GALNT13: variants seen among roughly 807,000 people sequenced by gnomAD.
GALNT13 encodes the protein polypeptide N-acetylgalactosaminyltransferase 13, also known as UDP-GalNAc:polypeptide N-acetylgalactosaminyltransferase 13.
In GALNT13, 28 loss-of-function variants were observed where a neutral mutation model predicts 64.2. The observed-to-expected ratio is 0.44, with a 90% CI of 0.32 to 0.60. The LOEUF is 0.60. Among genes scored for constraint, GALNT13 ranks in the 20% least tolerant of loss-of-function variants. GALNT13 has a pLI of 0.05. For missense variants in GALNT13, 577 were observed against 669.8 expected (o/e 0.86, Z 1.53); for synonymous variants, 214 against 224.6 (o/e 0.95, Z 0.42).
chr2:153,820,650 T>C, the GALNT13 span, among the ~76,000 whole-genome samples: 3 of 152,252 alleles, frequency 2.0e-5, no homozygotes, highest in African/African-American at 7.2e-5. Flanking sequence ...GAATTCTTTC[T>C]AGACAAGAAA....
At chr2:153,268,241 G>A in the GALNT13 span, among the ~76,000 whole-genome samples, 11 of 152,212 alleles carry the variant, frequency 7.2e-5, no homozygotes, top group Non-Finnish European at 1.0e-4. Flanking sequence ...CAGGCATTGA[G>A]TAAATACACC....
At chr2:153,261,448 A>G in the GALNT13 span, among the ~76,000 whole-genome samples, 2 of 152,140 alleles carry the variant, frequency 1.3e-5, no homozygotes, top group African/African-American at 4.8e-5. Flanking sequence ...AGACTTTTAG[A>G]GTACCAAGGG....
At chr2:153,376,473 G>A in the GALNT13 span, among the ~76,000 whole-genome samples, 13 of 152,276 alleles carry the variant, frequency 8.5e-5, 1 homozygote, top group Middle Eastern at 6.8e-3. Flanking sequence ...CCCAGAGAAT[G>A]TATCCTTGTG....
At chr2:154,156,731 A>C (rs1684445252) in intron 4 of GALNT13, among the ~76,000 whole-genome samples, 1 of 152,188 alleles carries the variant, frequency 6.6e-6, no homozygotes, top group Non-Finnish European at 1.5e-5. Context: ...GGAAAAGACA[A>C]GATAGAGAGT....
At chr2:154,192,849 GTCAAGAGCTAGTT>G (rs1686672178) in intron 4 of GALNT13, among the ~76,000 whole-genome samples, 1 of 152,220 alleles carries the variant, frequency 6.6e-6, no homozygotes. Flanking sequence ...TCTCTTTGCT[GTCAAGAGCTAGTT>G]TCAATATTTT....
chr2:153,308,513 C>A, the GALNT13 span, among the ~76,000 whole-genome samples: 2 of 152,186 alleles, frequency 1.3e-5, no homozygotes, highest in Non-Finnish European at 2.9e-5. Context: ...CTATAACAAG[C>A]TTCCTTGAGC....
the GALNT13 span, among the ~76,000 whole-genome samples, chr2:153,788,058 G>A: frequency 6.6e-6 from 1 of 152,148 alleles, no homozygotes; most frequent in Non-Finnish European, 1.5e-5. Flanking sequence ...TAGCTAGGGA[G>A]GCCAATATTC....
the GALNT13 span, among the ~76,000 whole-genome samples, chr2:153,074,765 G>A: frequency 1.3e-5 from 2 of 152,202 alleles, no homozygotes; most frequent in African/African-American, 4.8e-5. Flanking sequence ...TTGGAGATAT[G>A]ATCTTTCTCT....
At chr2:153,673,079 C>G in the GALNT13 span, among the ~76,000 whole-genome samples, 1 of 152,060 alleles carries the variant, frequency 6.6e-6, no homozygotes, top group African/African-American at 2.4e-5. Flanking sequence ...GCCTGCCAAC[C>G]AAACAAAGTC....
the GALNT13 span, among the ~76,000 whole-genome samples, chr2:153,772,713 T>G: frequency 6.6e-6 from 1 of 152,226 alleles, no homozygotes; most frequent in Non-Finnish European, 1.5e-5. Context: ...TGATCCCTTA[T>G]AGTCTTCAAG....
At chr2:153,142,716 T>C in the GALNT13 span, among the ~76,000 whole-genome samples, 2 of 151,862 alleles carry the variant, frequency 1.3e-5, no homozygotes, top group African/African-American at 2.4e-5. Context: ...TGTATGGAAA[T>C]GGGAAGATTG....
intron 4 of GALNT13, among the ~76,000 whole-genome samples, chr2:154,202,374 C>G (rs546763150): frequency 1.1e-4 from 16 of 150,494 alleles, no homozygotes; most frequent in Middle Eastern, 3.4e-3. Flanking sequence ...CTGCACTTAG[C>G]GTCCTTGAGA....
chr2:153,893,129 C>T (rs571644790), intron 1 of GALNT13, among the ~76,000 whole-genome samples: 10 of 151,998 alleles, frequency 6.6e-5, no homozygotes, highest in Non-Finnish European at 1.0e-4. Context: ...TTTGAACAGG[C>T]GAAGGTCAAA....
the GALNT13 span, among the ~76,000 whole-genome samples, chr2:153,220,382 T>A: frequency 6.6e-6 from 1 of 152,218 alleles, no homozygotes; most frequent in Non-Finnish European, 1.5e-5. Context: ...GCAAGTGGGC[T>A]GGAGCATGTG....
chr2:153,491,863 C>T, the GALNT13 span, among the ~76,000 whole-genome samples: 1 of 152,072 alleles, frequency 6.6e-6, no homozygotes, highest in Non-Finnish European at 1.5e-5. Flanking sequence ...AGTGATCTGC[C>T]TGCCTCGGCC....
At chr2:153,693,390 T>C in the GALNT13 span, among the ~76,000 whole-genome samples, 1 of 152,208 alleles carries the variant, frequency 6.6e-6, no homozygotes, top group East Asian at 1.9e-4. Flanking sequence ...TTTACCCTTC[T>C]TATCAAATCA....
chr2:154,279,445 G>C (rs928420319), intron 8 of GALNT13, among the ~76,000 whole-genome samples: 85 of 152,170 alleles, frequency 5.6e-4, no homozygotes, highest in African/African-American at 2.0e-3. Context: ...CTCAAGGAAA[G>C]TGGAGGCAAG....
At chr2:153,292,829 C>T in the GALNT13 span, among the ~76,000 whole-genome samples, 65 of 152,050 alleles carry the variant, frequency 4.3e-4, no homozygotes, top group African/African-American at 1.5e-3. Flanking sequence ...AAAAGACAAC[C>T]GGTATAATTC....
the GALNT13 span, among the ~76,000 whole-genome samples, chr2:153,624,325 A>G: frequency 6.6e-6 from 1 of 152,042 alleles, no homozygotes; most frequent in Non-Finnish European, 1.5e-5. Context: ...CACTCCCTCC[A>G]TTGTAAGAGG....
Sources: gnomAD v4.1 joint callset for allele counts (sites outside exome capture counted in the v4.1 genomes callset) on GRCh38, gnomAD v4.1.1 for gene constraint, MANE v1.5 for transcripts, NCBI Gene and HGNC (gene_info 2026-07-23, HGNC 2026-07-21) for gene names.